AGAP1: variants seen among roughly 807,000 people sequenced by gnomAD.
AGAP1 encodes ArfGAP with GTPase domain, ankyrin repeat and PH domain 1, also known as arf-GAP with GTPase, ANK repeat and PH domain-containing protein 1.
A neutral mutation model predicts 105.3 loss-of-function variants in AGAP1; 29 were observed. That is an observed-to-expected ratio of 0.28 (90% CI 0.21 to 0.38). The LOEUF (loss-of-function observed/expected upper bound fraction) is 0.38. AGAP1 is among the 10% of genes least tolerant of loss of function. AGAP1 has a pLI of 1.00. For missense variants in AGAP1, 998 were observed against 1,165.1 expected, an observed-to-expected ratio of 0.86 and a Z score of 2.09; for synonymous variants, 509 against 485.9, an observed-to-expected ratio of 1.05 and a Z score of -0.63.
chr2:236,079,166 C>T (rs746775986), intron 16 of AGAP1, among the ~76,000 whole-genome samples: 5 of 151,730 alleles, frequency 3.3e-5, no homozygotes, highest in Admixed American at 6.6e-5. Context: ...TAGCACCACA[C>T]CTGCCCTCAG....
rs986286913 is a variant in AGAP1 at position 235,824,558 on chromosome 2, C to T, written c.1050+17227C>T. On this transcript the variant is annotated intron_variant, in intron 9 of 17. Transcript: ENST00000304032. This position sits in a 1 kb window ranked among gnomAD's most constrained non-coding sequence, Gnocchi z 5.2. ...CTTATTGCAGGAGAAATTAAAGATACAATTTTGTGCTAAGAGGCAATGTAG... is the reference window on the plus strand; with the variant it reads ...CTTATTGCAGGAGAAATTAAAGATATAATTTTGTGCTAAGAGGCAATGTAG... 2.0e-5 allele frequency among the ~76,000 whole-genome samples: 3 copies of T among 152,178 alleles called. No homozygotes were observed. The highest frequency in any genetic ancestry group is 7.2e-5 in the African/African-American group (3 of 41,446).
rs1216965474 is a variant in AGAP1 at position 235,970,514 on chromosome 2, C to T, written c.1645+1891C>T. Among the ~76,000 whole-genome samples the T allele has an allele frequency of 6.6e-6, 1 of 152,162 alleles. No homozygotes were observed. The highest frequency in any genetic ancestry group is 1.5e-5 in the Non-Finnish European group (1 of 68,032). On this transcript the variant is annotated intron_variant, in intron 13 of 17. Coordinates refer to ENST00000304032, the MANE Select transcript of AGAP1 (RefSeq NM_001037131.3). The surrounding 1 kb of genome is among the most constrained non-coding windows in gnomAD (Gnocchi z 5.4). ...CGCCCCTAAGGTGCACACACAGGGG[C>T]GGGCGCCAGATTCCCTTTAAGGACA...
intron 13 of AGAP1, among the ~76,000 whole-genome samples, chr2:236,004,395 G>T (rs2056246086): frequency 6.6e-6 from 1 of 152,056 alleles, no homozygotes; most frequent in Non-Finnish European, 1.5e-5. Context: ...TTTTCCCAGT[G>T]GGCCAAAGCT....
intron 1 of AGAP1, among the ~76,000 whole-genome samples, chr2:235,594,691 C>T (rs537751498): frequency 3.3e-5 from 5 of 152,010 alleles, no homozygotes; most frequent in South Asian, 4.2e-4. Context: ...TCTGCCTTGG[C>T]GTCCCAAGTA....
chr2:235,673,968 A>G (rs1948582317), intron 1 of AGAP1, among the ~76,000 whole-genome samples: 1 of 152,248 alleles, frequency 6.6e-6, no homozygotes, highest in Non-Finnish European at 1.5e-5. Flanking sequence ...AGCACAGGGA[A>G]GCAAGATGGC....
In AGAP1 at chr2:235,740,228, A is replaced by G. The variant is rs1952499724; in HGVS notation, c.311-735A>G. 6.6e-6 allele frequency among the ~76,000 whole-genome samples: 1 copy of G among 151,984 alleles called. No individual in the cohort carries two copies. Among genetic ancestry groups the G allele is most frequent in the South Asian group, 2.1e-4 (1 of 4,812 alleles). Reference sequence around the variant, plus strand: ...CCTTGTACCATCCCCTCCTGAGAGCATCAGGGGCCGGGACGTCCAAGGTAG... The same window carrying G: ...CCTTGTACCATCCCCTCCTGAGAGCGTCAGGGGCCGGGACGTCCAAGGTAG... On this transcript the variant is annotated intron_variant, in intron 3 of 17. Coordinates refer to ENST00000304032, the MANE Select transcript of AGAP1 (RefSeq NM_001037131.3). This position sits in a 1 kb window ranked among gnomAD's most constrained non-coding sequence, Gnocchi z 5.7.
At chr2:235,758,245 A>T (rs1205005782) in intron 6 of AGAP1, among the ~76,000 whole-genome samples, 1 of 152,136 alleles carries the variant, frequency 6.6e-6, no homozygotes, top group Admixed American at 6.5e-5. Context: ...TAGGCACTTG[A>T]TATATGTTGA....
At chr2:235,849,416 G>A (rs1235600345) in intron 9 of AGAP1, among the ~76,000 whole-genome samples, 5 of 152,176 alleles carry the variant, frequency 3.3e-5, no homozygotes, top group Non-Finnish European at 7.3e-5. Flanking sequence ...ATGTAAAAGT[G>A]ATTTCTCTAT....
Position 235,961,705 on chromosome 2 carries a change from C to T in AGAP1, c.1484-6757C>T, listed in dbSNP as rs1051060733. On this transcript the variant is annotated intron_variant, in intron 12 of 17. Transcript: ENST00000304032. This position sits in a 1 kb window ranked among gnomAD's most constrained non-coding sequence, Gnocchi z 5.9. ...CGGATGGATCATGAGGTCAAGAGAT[C>T]GAGACCATCCTGGCCAACATGTTGA... 3.3e-5 allele frequency among the ~76,000 whole-genome samples: 5 copies of T among 152,130 alleles called. No individual in the cohort carries two copies. The highest frequency in any genetic ancestry group is 6.5e-5 in the Admixed American group (1 of 15,276).
rs1944080824 is a variant in AGAP1, at chr2:235,559,475, C to T, written c.163+64626C>T. On this transcript the variant is annotated intron_variant, in intron 1 of 17. Coordinates refer to ENST00000304032, the MANE Select transcript of AGAP1 (RefSeq NM_001037131.3). The surrounding 1 kb of genome is among the most constrained non-coding windows in gnomAD (Gnocchi z 5.7). ...GGTATCTCTCATTGCGAACATTCTT[C>T]TCTAAGGTTGAAAATCAGTTTTTCA... Among the ~76,000 whole-genome samples the T allele has an allele frequency of 6.6e-6, 1 of 152,258 alleles. No homozygotes were observed. The highest frequency in any genetic ancestry group is 2.4e-5 in the African/African-American group (1 of 41,540).
intron 6 of AGAP1, among the ~76,000 whole-genome samples, 192 bp from the exon 7 acceptor site, chr2:235,797,567 T>TG (rs1181242063): frequency 1.8e-4 from 22 of 119,816 alleles, no homozygotes; most frequent in African/African-American, 6.7e-4. Flanking sequence ...GATGCGGGGG[T>TG]GGGGGGACGG....
intron 1 of AGAP1, among the ~76,000 whole-genome samples, chr2:235,575,105 AGAGT>A (rs1269384575): frequency 6.6e-6 from 1 of 151,590 alleles, no homozygotes; most frequent in African/African-American, 2.4e-5. Context: ...CCTGGGTGAC[AGAGT>A]GAGATCCTGT....
chr2:235,579,317 C>T (rs1290724754), intron 1 of AGAP1, among the ~76,000 whole-genome samples: 1 of 152,170 alleles, frequency 6.6e-6, no homozygotes, highest in Non-Finnish European at 1.5e-5. Flanking sequence ...ACTGTCCTTC[C>T]CATGCCCTGA....
chr2:235,827,147 G>A (rs1433375420), intron 9 of AGAP1, among the ~76,000 whole-genome samples: 1 of 152,216 alleles, frequency 6.6e-6, no homozygotes, highest in Non-Finnish European at 1.5e-5. Context: ...CAGCTGCAAC[G>A]TCTTATTTTA....
At position 236,003,114 on chromosome 2, in the gene AGAP1, C is replaced by A. The variant is rs952298382; in HGVS notation, c.1646-33447C>A. 6.6e-6 allele frequency among the ~76,000 whole-genome samples: 1 copy of A among 152,220 alleles called. No individual in the cohort carries two copies. Among genetic ancestry groups the A allele is most frequent in the African/African-American group, 2.4e-5 (1 of 41,458 alleles). On this transcript the variant is annotated intron_variant, in intron 13 of 17. Coordinates refer to ENST00000304032, the MANE Select transcript of AGAP1 (RefSeq NM_001037131.3). The surrounding 1 kb of genome is among the most constrained non-coding windows in gnomAD (Gnocchi z 4.2). ...CTGGAGTGCAGTGGCACGGTCTCAG[C>A]TCTTACTGCAGCCTCTGCCTCCCAG...
rs531149073 is a variant in AGAP1, at chr2:235,633,486, C to T, written c.164-75693C>T. Among the ~76,000 whole-genome samples the T allele has an allele frequency of 5.7e-4, 86 of 152,202 alleles. No individual in the cohort carries two copies. The highest frequency in any genetic ancestry group is 1.9e-3 in the African/African-American group (80 of 41,526). ...GCGGGCTCCTGTAATTCCAGCTACT[C>T]GGGGGCTAAAGCAGGAGAATCCCTC... On this transcript the variant is annotated intron_variant, in intron 1 of 17. Transcript: ENST00000304032. The surrounding 1 kb of genome is among the most constrained non-coding windows in gnomAD (Gnocchi z 4.8).
At chr2:235,998,729 A>G (rs1460525076) in intron 13 of AGAP1, among the ~76,000 whole-genome samples, 1 of 144,108 alleles carries the variant, frequency 6.9e-6, no homozygotes, top group African/African-American at 2.6e-5. Flanking sequence ...GATGATGGTG[A>G]TGGTATGATG....
At chr2:235,683,255 G>A (rs148153138) in intron 1 of AGAP1, among the ~76,000 whole-genome samples, 2,545 of 152,186 alleles carry the variant, frequency 0.017, 62 homozygotes, top group African/African-American at 0.057. Flanking sequence ...GCAGTGAGCT[G>A]AGATCGCACC....
chr2:235,521,663 CTG>C (rs1329214196), intron 1 of AGAP1, among the ~76,000 whole-genome samples: 1 of 151,904 alleles, frequency 6.6e-6, no homozygotes, highest in African/African-American at 2.4e-5. Flanking sequence ...CATTGTGAAA[CTG>C]TTCCCAATTT....
Sources: gnomAD v4.1 joint callset for allele counts (sites outside exome capture counted in the v4.1 genomes callset) on GRCh38, gnomAD v4.1.1 for gene constraint, Gnocchi (gnomAD v3.1) non-coding constraint, MANE v1.5 for transcripts, NCBI Gene and HGNC (gene_info 2026-07-23, HGNC 2026-07-21) for gene names.